Variants in LONP2 observed in about 807,000 individuals in gnomAD.
The protein encoded by LONP2 is lon protease homolog 2, peroxisomal.
A neutral mutation model predicts 85.6 loss-of-function variants in LONP2; 60 were observed. The observed-to-expected ratio is 0.70, with a 90% CI of 0.57 to 0.87. LONP2 has a LOEUF of 0.87. Ranked by LOEUF, LONP2 falls within the 40% of genes least tolerant of loss-of-function variation. The pLI, the probability that LONP2 is intolerant of heterozygous loss-of-function variation, is 0.00. For missense variants in LONP2, 860 were observed against 1,063.5 expected (o/e 0.81, Z 2.66); for synonymous variants, 395 against 389.7 (o/e 1.01, Z -0.16).
chr16:48,320,933 A>C (rs1238524555), intron 11 of LONP2, among the ~76,000 whole-genome samples: 1 of 152,234 alleles, frequency 6.6e-6, no homozygotes. Flanking sequence ...TGAATCATAT[A>C]GGAAAATGCA....
At chr16:48,288,550 T>C (rs1972497022) in intron 8 of LONP2, among the ~76,000 whole-genome samples, 1 of 152,208 alleles carries the variant, frequency 6.6e-6, no homozygotes, top group African/African-American at 2.4e-5. Context: ...CTTATGGTTT[T>C]GGAGGCTAGA....
At chr16:48,350,443 T>TGTATACATGGCCTTAGTATCA (rs1318790220) in intron 14 of LONP2, among the ~76,000 whole-genome samples, 6 of 152,112 alleles carry the variant, frequency 3.9e-5, no homozygotes, top group African/African-American at 1.4e-4. Flanking sequence ...CATCTAGTCT[T>TGTATACATGGCCTTAGTATCA]GTATACATGG....
chr16:48,299,635 T>A (rs754510818), intron 9 of LONP2, 27 bp from the exon 10 acceptor site: 1 of 1,587,522 alleles, frequency 6.3e-7, no homozygotes, highest in Non-Finnish European at 8.5e-7. Flanking sequence ...TGTAAATAAT[T>A]ACAAAACAAG....
At position 48,328,759 on chromosome 16, in the gene LONP2, C is replaced by T. The variant is rs913211434; in HGVS notation, c.1796-5457C>T. Among the ~76,000 whole-genome samples the T allele has an allele frequency of 2.9e-4, 43 of 148,270 alleles. 1 individual carries two copies. Among genetic ancestry groups the T allele is most frequent in the Admixed American group, 1.4e-3 (21 of 14,838 alleles). On this transcript the variant is annotated intron_variant, in intron 11 of 14. Coordinates refer to ENST00000285737, the MANE Select transcript of LONP2 (RefSeq NM_031490.5). ...ACTTGGGAGGCTGAGGCATGAGAAT[C>T]GCATGAACACAGACGGCAGAGGTTG...
intron 6 of LONP2, 33 bp from the exon 7 acceptor site, chr16:48,269,983 T>A: frequency 6.4e-7 from 1 of 1,567,940 alleles, no homozygotes; most frequent in South Asian, 1.2e-5. Context: ...AAATTTTATG[T>A]GTTCTAATTA....
chr16:48,313,598 A>G (rs1198034662), intron 11 of LONP2, among the ~76,000 whole-genome samples: 1 of 152,124 alleles, frequency 6.6e-6, no homozygotes, highest in Non-Finnish European at 1.5e-5. Flanking sequence ...CTGATCCTGC[A>G]TTAGTTTGTT....
intron 11 of LONP2, among the ~76,000 whole-genome samples, chr16:48,331,390 A>C (rs1387408724): frequency 1.3e-5 from 2 of 152,188 alleles, no homozygotes; most frequent in East Asian, 1.9e-4. Flanking sequence ...TTGTGAAGCA[A>C]ATGAATGCTA....
At chr16:48,303,093 C>A in intron 10 of LONP2, 79 bp from the exon 11 acceptor site, 1 of 1,515,386 alleles carries the variant, frequency 6.6e-7, no homozygotes, top group African/African-American at 1.4e-5. Flanking sequence ...ACTGTTTTAC[C>A]AAAAATGTTA....
At position 48,348,234 on chromosome 16, in the gene LONP2, G is replaced by A; in HGVS notation, c.2281G>A (p.Val761Ile). 3 of 1,611,460 alleles carry A rather than the reference G, an allele frequency of 1.9e-6. No homozygotes were observed. The highest frequency in any genetic ancestry group is 2.5e-6 in the Non-Finnish European group (3 of 1,179,372). The change falls in exon 14 of 15, where the codon GTA becomes ATA. Residue 761 changes from valine to isoleucine, a missense_variant. Transcript: ENST00000285737. ...CLASLFSGRL[V>I]RSDVAMTGEI... is the part of the protein sequence containing the mutation. ...CGCCTCACTTTTTAGTGGGCGGCTG[G>A]TACGTTCAGATGTAGCCATGACTGG...
At position 48,324,318 on chromosome 16, in the gene LONP2, C is replaced by T. The variant is rs544073794; in HGVS notation, c.1796-9898C>T. Among the ~76,000 whole-genome samples the T allele has an allele frequency of 1.8e-4, 28 of 152,286 alleles. No individual in the cohort carries two copies. The South Asian group carries it at 5.6e-3, about 30-fold the overall frequency. ...AACCATATGTGTCTTTCTCTCCATG[C>T]TTAAACAAGGTCTGAAATCGTGTGT... On this transcript the variant is annotated intron_variant, in intron 11 of 14. Transcript: ENST00000285737.
chr16:48,298,460 TACAC>T (rs146027162), intron 9 of LONP2, among the ~76,000 whole-genome samples: 106 of 150,914 alleles, frequency 7.0e-4, no homozygotes, highest in African/African-American at 2.4e-3. Context: ...TATAAATACA[TACAC>T]ACACACACAC....
At chr16:48,290,715 A>T (rs8043803) in intron 8 of LONP2, among the ~76,000 whole-genome samples, 31,578 of 152,136 alleles carry the variant, frequency 0.21, 4,036 homozygotes, top group African/African-American at 0.36. Context: ...GGTGTGCTCA[A>T]ATTCACCTTC....
chr16:48,361,576 C>A, downstream of LONP2: 2 of 1,610,250 alleles, frequency 1.2e-6, no homozygotes, highest in South Asian at 2.2e-5. Flanking sequence ...GTTTGATTGC[C>A]ATTTCAACAC....
intron 12 of LONP2, among the ~76,000 whole-genome samples, chr16:48,335,028 G>A (rs1165558855): frequency 1.3e-5 from 2 of 152,122 alleles, no homozygotes; most frequent in East Asian, 1.9e-4. Flanking sequence ...AGTGCTTATT[G>A]TGATAATATG....
At chr16:48,304,816 A>G (rs1487334935) in intron 11 of LONP2, among the ~76,000 whole-genome samples, 2 of 152,250 alleles carry the variant, frequency 1.3e-5, no homozygotes, top group Admixed American at 6.5e-5. Context: ...ACTTGCTTTA[A>G]CAAACATGAG....
At chr16:48,315,550 A>G (rs1284896772) in intron 11 of LONP2, among the ~76,000 whole-genome samples, 2 of 152,220 alleles carry the variant, frequency 1.3e-5, no homozygotes, top group East Asian at 3.8e-4. Flanking sequence ...CAGAATCTTC[A>G]GGAACCTAAG....
At chr16:48,361,563 A>C, downstream of LONP2, 6 of 1,608,570 alleles carry the variant, frequency 3.7e-6, no homozygotes, top group South Asian at 6.6e-5. Flanking sequence ...CTGGCCAGAA[A>C]ATGTTTGATT....
At chr16:48,315,710 T>G (rs1490227553) in intron 11 of LONP2, among the ~76,000 whole-genome samples, 1 of 152,178 alleles carries the variant, frequency 6.6e-6, no homozygotes, top group African/African-American at 2.4e-5. Flanking sequence ...ACTCTTTTAT[T>G]GGTTTTGGAA....
At chr16:48,360,419 G>A (rs8054314), downstream of LONP2, 31,267 of 152,436 alleles carry the variant, frequency 0.21, 3,935 homozygotes, top group African/African-American at 0.35. Context: ...TAAGTCTACC[G>A]CACTTAAAAA....
Sources: gnomAD v4.1 joint callset for allele counts (sites outside exome capture counted in the v4.1 genomes callset) on GRCh38, gnomAD v4.1.1 for gene constraint, MANE v1.5 for transcripts, NCBI Gene and HGNC (gene_info 2026-07-23, HGNC 2026-07-21) for gene names.